The following PITPNC1 variants were observed in gnomAD, a reference collection of about 807,000 sequenced individuals.
The protein encoded by PITPNC1 is phosphatidylinositol transfer protein cytoplasmic 1.
A neutral mutation model predicts 44.7 loss-of-function variants in PITPNC1; 18 were observed. That is an observed-to-expected ratio of 0.40 (90% CI 0.28 to 0.60). PITPNC1 has a LOEUF of 0.60. Among genes scored for constraint, PITPNC1 ranks in the 20% least tolerant of loss-of-function variants. The pLI is 0.39. For missense variants in PITPNC1, 290 were observed against 418.4 expected, an observed-to-expected ratio of 0.69 and a Z score of 2.68; for synonymous variants, 141 against 149.6, an observed-to-expected ratio of 0.94 and a Z score of 0.42.
At chr17:67,492,289 G>A (rs926698675) in intron 1 of PITPNC1, among the ~76,000 whole-genome samples, 14 of 152,108 alleles carry the variant, frequency 9.2e-5, no homozygotes, top group Non-Finnish European at 1.8e-4. Flanking sequence ...AGATCATTCT[G>A]GATTACCTAA....
chr17:67,678,260 G>A (rs2042640140), intron 8 of PITPNC1, among the ~76,000 whole-genome samples: 1 of 151,490 alleles, frequency 6.6e-6, no homozygotes, highest in African/African-American at 2.4e-5. Flanking sequence ...AGGAGCCCAA[G>A]GCTAGAATAA....
chr17:67,675,429 A>G, intron 7 of PITPNC1, 50 bp from the exon 8 acceptor site: 1 of 1,214,854 alleles, frequency 8.2e-7, no homozygotes, highest in Non-Finnish European at 1.2e-6. Flanking sequence ...TCTTCCAGAT[A>G]GTTTTCATCA....
At chr17:67,589,041 A>G (rs923987296) in intron 5 of PITPNC1, among the ~76,000 whole-genome samples, 5 of 152,328 alleles carry the variant, frequency 3.3e-5, no homozygotes, top group Admixed American at 2.6e-4. Flanking sequence ...AAACACTCCC[A>G]TTTGCAGTTT....
At chr17:67,683,202 A>G (rs1028841290) in intron 8 of PITPNC1, among the ~76,000 whole-genome samples, 1 of 151,708 alleles carries the variant, frequency 6.6e-6, no homozygotes, top group African/African-American at 2.4e-5. Flanking sequence ...TGATACACAT[A>G]AGCATTTGTT....
intron 5 of PITPNC1, among the ~76,000 whole-genome samples, chr17:67,620,242 C>T (rs896271867): frequency 6.6e-6 from 1 of 152,070 alleles, no homozygotes; most frequent in Non-Finnish European, 1.5e-5. Flanking sequence ...TTTGTAGAGA[C>T]AGGGTCTCAC....
intron 1 of PITPNC1, among the ~76,000 whole-genome samples, chr17:67,453,991 G>A (rs986895774): frequency 8.6e-5 from 13 of 152,040 alleles, no homozygotes; most frequent in African/African-American, 7.2e-5. Flanking sequence ...GGCTCACGTC[G>A]GTAATCGCCA....
At chr17:67,382,771 C>CCAG in intron 1 of PITPNC1, among the ~76,000 whole-genome samples, 3 of 150,042 alleles carry the variant, frequency 2.0e-5, no homozygotes, top group East Asian at 2.0e-4. Context: ...ATTACAGGCG[C>CCAG]CCACCATCAC....
chr17:67,461,666 C>A (rs901017257), intron 1 of PITPNC1, among the ~76,000 whole-genome samples: 2 of 152,094 alleles, frequency 1.3e-5, no homozygotes, highest in African/African-American at 4.8e-5. Context: ...GTGGCTCACA[C>A]CTGTAATTCC....
In PITPNC1 at chr17:67,684,113, A is replaced by ATTT. The variant is rs35849301; in HGVS notation, c.683-8445_683-8443dup. On this transcript the variant is annotated intron_variant, in intron 8 of 8. Coordinates refer to ENST00000581322, the MANE Select transcript of PITPNC1 (RefSeq NM_012417.4). ...ATCTCATAATGATCCAAAATAACAA[A>ATTT]TTTTTTTTTTTTTTTTGAGACAGAG... Among the ~76,000 whole-genome samples, 796 of 135,886 alleles carry ATTT rather than the reference A, an allele frequency of 5.9e-3. 32 individuals are homozygous for ATTT. Among genetic ancestry groups the ATTT allele is most frequent in the African/African-American group, 0.015 (528 of 36,098 alleles). The allele number at this position is 135,886 out of a possible 152,430, so 89.1% of individuals were successfully genotyped here.
chr17:67,442,692 A>AATAT (rs111926157), intron 1 of PITPNC1, among the ~76,000 whole-genome samples: 1 of 150,562 alleles, frequency 6.6e-6, no homozygotes, highest in African/African-American at 2.4e-5. Flanking sequence ...AAAATACAAA[A>AATAT]ATATATATAT....
chr17:67,599,352 G>T (rs1283339560), intron 5 of PITPNC1, among the ~76,000 whole-genome samples: 1 of 152,024 alleles, frequency 6.6e-6, no homozygotes, highest in East Asian at 1.9e-4. Context: ...TAGAGATACA[G>T]ATTTGGAAGT....
Position 67,632,182 on chromosome 17 carries a change from T to G in PITPNC1, c.406T>G (p.Cys136Gly). The G allele has an allele frequency of 6.2e-7, 1 of 1,613,470 alleles. No homozygotes were observed. The highest frequency in any genetic ancestry group is 8.5e-7 in the Non-Finnish European group (1 of 1,179,412). Residue 136 changes from cysteine to glycine, a missense_variant, in exon 6 of 9, where the codon TGC becomes GGC. Transcript: ENST00000581322. ...AGCCAAAGACGTGGAGAGAGAAGTT[T>G]GCTTTATTGATATTGCCTGCGATGA... ...NEAKDVEREV[C>G]FIDIACDEIP...
chr17:67,621,122 C>T (rs1326278879), intron 5 of PITPNC1, among the ~76,000 whole-genome samples: 1 of 152,084 alleles, frequency 6.6e-6, no homozygotes, highest in African/African-American at 2.4e-5. Context: ...CATTATGGAC[C>T]TATATTGAGT....
intron 3 of PITPNC1, chr17:67,553,295 T>C (rs1255784894): frequency 9.2e-6 from 2 of 217,660 alleles, no homozygotes; most frequent in Non-Finnish European, 9.0e-6. Flanking sequence ...AATGAAATAC[T>C]CTACTGGAAT....
At chr17:67,474,193 C>T (rs946379533) in intron 1 of PITPNC1, among the ~76,000 whole-genome samples, 2 of 151,924 alleles carry the variant, frequency 1.3e-5, no homozygotes, top group African/African-American at 4.8e-5. Flanking sequence ...GGGGTCTTGG[C>T]AAAAACAAGG....
chr17:67,442,006 GCT>G (rs1227189786), intron 1 of PITPNC1, among the ~76,000 whole-genome samples: 2 of 151,762 alleles, frequency 1.3e-5, no homozygotes, highest in Non-Finnish European at 2.9e-5. Context: ...CTGAGCCCAA[GCT>G]GAGCCTCAGC....
chr17:67,561,887 C>T (rs1009555131), intron 4 of PITPNC1, among the ~76,000 whole-genome samples: 6 of 152,224 alleles, frequency 3.9e-5, no homozygotes, highest in Non-Finnish European at 7.3e-5. Context: ...TGAGCCATCA[C>T]GCCTGGCCCT....
chr17:67,448,298 AG>A (rs1436360621), intron 1 of PITPNC1, among the ~76,000 whole-genome samples: 1 of 151,902 alleles, frequency 6.6e-6, no homozygotes, highest in African/African-American at 2.4e-5. Flanking sequence ...GGCTTAATTT[AG>A]GTGTTTTCAT....
At chr17:67,631,372 G>C (rs929516976) in intron 5 of PITPNC1, among the ~76,000 whole-genome samples, 1 of 149,096 alleles carries the variant, frequency 6.7e-6, no homozygotes, top group African/African-American at 2.4e-5. Context: ...GCTCACGCCT[G>C]TAATCCCAGC....
Sources: allele counts gnomAD v4.1 joint callset (sites outside exome capture counted in the v4.1 genomes callset), GRCh38; gene constraint gnomAD v4.1.1; transcripts MANE v1.5; gene names NCBI Gene and HGNC (gene_info 2026-07-23, HGNC 2026-07-21).